STAB2: variants seen among roughly 807,000 people sequenced by gnomAD.
STAB2 encodes stabilin 2, also known as stabilin-2.
In STAB2, 288 loss-of-function variants were observed where a neutral mutation model predicts 338.1. The observed-to-expected ratio is 0.85, with a 90% CI of 0.77 to 0.94. The LOEUF is 0.94. Among genes scored for constraint, STAB2 ranks in the 40% least tolerant of loss-of-function variants. The pLI is 0.00. For synonymous variants in STAB2, 1,202 were observed against 1,193.3 expected, an observed-to-expected ratio of 1.01 and a Z score of -0.15; for missense variants, 3,141 against 3,210.1, an observed-to-expected ratio of 0.98 and a Z score of 0.52.
chr12:103,705,809 G>T, intron 37 of STAB2, 82 bp downstream of exon 37: 1 of 1,325,302 alleles, frequency 7.5e-7, no homozygotes, highest in Non-Finnish European at 1.1e-6. Context: ...CAAAATCCCT[G>T]TGCAGGTATG....
At chr12:103,665,516 GACATAGAGTT>G (rs1168798580) in intron 18 of STAB2, among the ~76,000 whole-genome samples, 1 of 152,154 alleles carries the variant, frequency 6.6e-6, no homozygotes, top group Non-Finnish European at 1.5e-5. Flanking sequence ...CCAGGGACAG[GACATAGAGTT>G]ACCTGAACCC....
chr12:103,749,338 G>A (rs575412706), intron 59 of STAB2, among the ~76,000 whole-genome samples, 182 bp downstream of exon 59: 8 of 152,282 alleles, frequency 5.3e-5, no homozygotes, highest in Non-Finnish European at 1.0e-4. Flanking sequence ...GCAGAAAAAG[G>A]ACGTCCATGG....
rs146835192 is a variant in STAB2 at position 103,746,355 on chromosome 12, AT to A, written c.6137-236del. Reference sequence around the variant, plus strand: ...TTTTAATTGATAGCCCCTAAAGAACATTTTTTCTCATATAAATCTCAATGAC... The same window carrying A: ...TTTTAATTGATAGCCCCTAAAGAACATTTTTCTCATATAAATCTCAATGAC... On this transcript the variant is annotated intron_variant, in intron 57 of 68. Transcript: ENST00000388887. The A allele has an allele frequency of 6.8e-3, 2,481 of 364,872 alleles. 67 individuals are homozygous for A. The East Asian group carries it at 0.068, about 10-fold the overall frequency. The allele number at this position is 364,872 out of a possible 1,614,324, so 22.6% of individuals were successfully genotyped here. A position where few individuals can be genotyped will look rare whatever the true frequency, so the allele number is the denominator to read the frequency against.
At chr12:103,601,914 T>G (rs1956959768) in intron 3 of STAB2, among the ~76,000 whole-genome samples, 1 of 152,218 alleles carries the variant, frequency 6.6e-6, no homozygotes, top group Admixed American at 6.5e-5. Flanking sequence ...TGGATATTAA[T>G]TGCCTTTTCC....
intron 42 of STAB2, among the ~76,000 whole-genome samples, chr12:103,714,744 C>T (rs1880170167): frequency 6.6e-6 from 1 of 150,902 alleles, no homozygotes; most frequent in Admixed American, 6.6e-5. Context: ...TGTATATATA[C>T]ATTTTTAAGC....
At chr12:103,739,552 T>TGG in intron 54 of STAB2, 84 bp downstream of exon 54, 1 of 898,308 alleles carries the variant, frequency 1.1e-6, no homozygotes, top group Non-Finnish European at 1.6e-6. Flanking sequence ...TGTGTGTGTG[T>TGG]GTGTGTGTGT....
intron 5 of STAB2, among the ~76,000 whole-genome samples, chr12:103,629,386 C>T (rs1288710640): frequency 6.6e-6 from 1 of 152,224 alleles, no homozygotes; most frequent in Non-Finnish European, 1.5e-5. Context: ...TGCTACTTCT[C>T]CCAGAATGGC....
At chr12:103,613,289 A>G (rs1029907720) in intron 3 of STAB2, among the ~76,000 whole-genome samples, 15 of 152,194 alleles carry the variant, frequency 9.9e-5, no homozygotes, top group African/African-American at 3.6e-4. Context: ...ACAGAGGTGG[A>G]GTATACAGAG....
intron 33 of STAB2, among the ~76,000 whole-genome samples, chr12:103,697,415 T>A (rs1878500852): frequency 6.6e-6 from 1 of 152,226 alleles, no homozygotes; most frequent in African/African-American, 2.4e-5. Context: ...AGAAATGTTA[T>A]TTTTCTGCCA....
intron 56 of STAB2, among the ~76,000 whole-genome samples, chr12:103,744,836 G>A (rs1345840488): frequency 2.0e-5 from 3 of 152,082 alleles, no homozygotes; most frequent in East Asian, 1.9e-4. Flanking sequence ...CTCCCTAAAT[G>A]TTCATTGCGT....
intron 35 of STAB2, 54 bp from the exon 36 acceptor site, chr12:103,704,504 A>G: frequency 1.9e-6 from 3 of 1,559,452 alleles, no homozygotes; most frequent in Non-Finnish European, 2.6e-6. Context: ...CTGGACATGC[A>G]GCTTCATTTT....
At chr12:103,656,448 GA>G (rs1467391240) in intron 15 of STAB2, among the ~76,000 whole-genome samples, 3 of 152,208 alleles carry the variant, frequency 2.0e-5, no homozygotes, top group African/African-American at 7.2e-5. Context: ...TAACTAGGCA[GA>G]TTCCAAAGCC....
intron 3 of STAB2, among the ~76,000 whole-genome samples, chr12:103,619,237 C>T (rs1957259522): frequency 6.6e-6 from 1 of 152,126 alleles, no homozygotes; most frequent in Admixed American, 6.5e-5. Flanking sequence ...CATCTTGCCT[C>T]ATTCACACAG....
intron 63 of STAB2, among the ~76,000 whole-genome samples, chr12:103,756,516 G>C (rs771612964): frequency 5.3e-5 from 8 of 152,206 alleles, no homozygotes; most frequent in Non-Finnish European, 1.0e-4. Flanking sequence ...TCCTGCAACT[G>C]TATAAGGCCA....
At chr12:103,640,788 T>A (rs1271338248) in intron 9 of STAB2, among the ~76,000 whole-genome samples, 1 of 152,216 alleles carries the variant, frequency 6.6e-6, no homozygotes, top group Non-Finnish European at 1.5e-5. Flanking sequence ...GTATTTGGAC[T>A]AAAGATCTAG....
rs200294544 is a variant in STAB2, at chr12:103,692,636, A to T, written c.3298-176A>T. 3.4e-4 allele frequency among the ~76,000 whole-genome samples: 20 copies of T among 57,984 alleles called. 1 individual carries two copies. Among genetic ancestry groups the T allele is most frequent in the Non-Finnish European group, 6.3e-4 (13 of 20,554 alleles). The allele number at this position is 57,984 out of a possible 152,430, so 38.0% of individuals were successfully genotyped here. A position where few individuals can be genotyped will look rare whatever the true frequency, so the allele number is the denominator to read the frequency against. On this transcript the variant is annotated intron_variant, in intron 30 of 68. Coordinates refer to ENST00000388887, the MANE Select transcript of STAB2 (RefSeq NM_017564.10). ...GTGCGTGTGCACGTGCACGTGTGTG[A>T]GAGAGAGAGAGAGAGGGGTCTATGG... is the stretch of plus-strand genomic sequence containing the variant.
intron 23 of STAB2, 73 bp downstream of exon 23, chr12:103,674,160 G>C: frequency 1.3e-6 from 2 of 1,524,240 alleles, no homozygotes; most frequent in Non-Finnish European, 1.8e-6. Flanking sequence ...TAATGACGCT[G>C]TGTTACCTGT....
chr12:103,717,608 T>C (rs1284528033), intron 43 of STAB2, among the ~76,000 whole-genome samples, 162 bp from the exon 44 acceptor site: 2 of 152,156 alleles, frequency 1.3e-5, no homozygotes, highest in African/African-American at 4.8e-5. Context: ...ATATTAAACA[T>C]AGGGTGACAA....
At chr12:103,695,064 C>T (rs946065262) in intron 31 of STAB2, among the ~76,000 whole-genome samples, 1 of 152,096 alleles carries the variant, frequency 6.6e-6, no homozygotes, top group Non-Finnish European at 1.5e-5. Flanking sequence ...CCAAACAAAA[C>T]ATTTTTACAA....
Sources: allele counts gnomAD v4.1 joint callset (sites outside exome capture counted in the v4.1 genomes callset), GRCh38; gene constraint gnomAD v4.1.1; transcripts MANE v1.5; gene names NCBI Gene and HGNC (gene_info 2026-07-23, HGNC 2026-07-21).